Variants in SPTBN1 observed in about 807,000 individuals in gnomAD.
SPTBN1 encodes spectrin beta, non-erythrocytic 1.
Under a neutral mutation model 266.4 loss-of-function variants are expected in SPTBN1, and 32 were observed. The ratio of observed to expected loss-of-function variants is 0.12; its 90% CI spans 0.09 to 0.16. The LOEUF (loss-of-function observed/expected upper bound fraction) is 0.16. Ranked by LOEUF, SPTBN1 falls within the 10% of genes least tolerant of loss-of-function variation. SPTBN1 has a pLI of 1.00. For synonymous variants in SPTBN1, 1,336 were observed against 1,162.2 expected, an observed-to-expected ratio of 1.15 and a Z score of -3.04; for missense variants, 2,296 against 3,067.1, an observed-to-expected ratio of 0.75 and a Z score of 5.94.
At chr2:54,549,671 G>A (rs553695622) in intron 2 of SPTBN1, among the ~76,000 whole-genome samples, 26 of 152,336 alleles carry the variant, frequency 1.7e-4, no homozygotes, top group African/African-American at 6.3e-4. Flanking sequence ...GGACGACGGA[G>A]GCTGACAGTG....
At chr2:54,460,735 C>T (rs1693324222) in intron 1 of SPTBN1, among the ~76,000 whole-genome samples, 1 of 152,204 alleles carries the variant, frequency 6.6e-6, no homozygotes. Context: ...TGCAGTGGCT[C>T]ACGCCTGTAA....
At chr2:54,643,664 A>G (rs980076931) in intron 19 of SPTBN1, among the ~76,000 whole-genome samples, 1 of 151,624 alleles carries the variant, frequency 6.6e-6, no homozygotes, top group Non-Finnish European at 1.5e-5. Flanking sequence ...TAGACTTTTT[A>G]TAGTGTTTCA....
At chr2:54,647,933 A>G (rs902488600) in intron 24 of SPTBN1, among the ~76,000 whole-genome samples, 6 of 152,242 alleles carry the variant, frequency 3.9e-5, no homozygotes, top group Non-Finnish European at 8.8e-5. Flanking sequence ...AAAGTCATCC[A>G]GTTTAGTAAA....
intron 2 of SPTBN1, among the ~76,000 whole-genome samples, chr2:54,582,339 A>G (rs1296260673): frequency 6.6e-6 from 1 of 152,082 alleles, no homozygotes; most frequent in Non-Finnish European, 1.5e-5. Flanking sequence ...GACTCCTTGA[A>G]GGTGCAAGAT....
chr2:54,519,229 G>T (rs4671947), intron 1 of SPTBN1, among the ~76,000 whole-genome samples: 122,016 of 152,216 alleles, frequency 0.8, 49,507 homozygotes, highest in African/African-American at 0.94. Flanking sequence ...AATGTTACCA[G>T]GCACCCTGCT....
At chr2:54,505,408 C>G (rs1669500116) in intron 1 of SPTBN1, among the ~76,000 whole-genome samples, 1 of 152,132 alleles carries the variant, frequency 6.6e-6, no homozygotes, top group Non-Finnish European at 1.5e-5. Context: ...GCTGTGAAAA[C>G]AACAACAATA....
chr2:54,481,401 TGTGTGTGTGTGTGTGTG>T (rs1668091976), intron 1 of SPTBN1, among the ~76,000 whole-genome samples: 1 of 73,098 alleles, frequency 1.4e-5, no homozygotes, highest in Non-Finnish European at 2.8e-5. Context: ...AGTGTGTGTG[TGTGTGTGTGTGTGTGTG>T]TGTGTGTGTG....
intron 18 of SPTBN1, among the ~76,000 whole-genome samples, chr2:54,640,502 C>G (rs1475877053): frequency 4.6e-5 from 7 of 152,098 alleles, no homozygotes; most frequent in Non-Finnish European, 4.4e-5. Context: ...CCTCCTATTC[C>G]CAGTTACAGT....
At chr2:54,551,463 A>G (rs573231684) in intron 2 of SPTBN1, among the ~76,000 whole-genome samples, 1 of 152,376 alleles carries the variant, frequency 6.6e-6, no homozygotes, top group East Asian at 1.9e-4. Context: ...TTGCATGTGT[A>G]GATAACAGAC....
chr2:54,580,760 A>T (rs1473531916), intron 2 of SPTBN1, among the ~76,000 whole-genome samples: 1 of 152,142 alleles, frequency 6.6e-6, no homozygotes, highest in Non-Finnish European at 1.5e-5. Context: ...AGACACACAT[A>T]ACCAAAAATT....
chr2:54,623,410 T>C, intron 9 of SPTBN1, 69 bp from the exon 10 acceptor site: 2 of 1,389,094 alleles, frequency 1.4e-6, no homozygotes, highest in South Asian at 2.3e-5. Flanking sequence ...TTAAATGGTT[T>C]TTAAAATGCA....
chr2:54,486,196 G>A (rs186960251), intron 1 of SPTBN1, among the ~76,000 whole-genome samples: 39,062 of 149,606 alleles, frequency 0.26, 5,824 homozygotes, highest in East Asian at 0.36. Flanking sequence ...CCCTCTGCCC[G>A]GCCACCACCC....
intron 3 of SPTBN1, among the ~76,000 whole-genome samples, chr2:54,611,933 A>G (rs1368602800): frequency 2.0e-5 from 3 of 152,212 alleles, no homozygotes; most frequent in Non-Finnish European, 4.4e-5. Flanking sequence ...ATATAGCTCC[A>G]CAACTATTCT....
intron 1 of SPTBN1, among the ~76,000 whole-genome samples, chr2:54,516,885 G>A (rs1670138613): frequency 6.6e-6 from 1 of 152,210 alleles, no homozygotes; most frequent in African/African-American, 2.4e-5. Context: ...ATTTACATTG[G>A]TTTGACCTGG....
chr2:54,490,443 T>A (rs1048753350), intron 1 of SPTBN1, among the ~76,000 whole-genome samples: 3 of 152,224 alleles, frequency 2.0e-5, no homozygotes, highest in Admixed American at 6.5e-5. Context: ...GGTGGCACTT[T>A]AATTCAGATG....
chr2:54,576,741 T>C (rs2104550189), intron 2 of SPTBN1, among the ~76,000 whole-genome samples: 1 of 152,270 alleles, frequency 6.6e-6, no homozygotes, highest in Non-Finnish European at 1.5e-5. Context: ...AGCCAGCAAG[T>C]GGGTGTCAAG....
At chr2:54,568,805 A>G (rs1459585656) in intron 2 of SPTBN1, among the ~76,000 whole-genome samples, 2 of 152,216 alleles carry the variant, frequency 1.3e-5, no homozygotes, top group African/African-American at 2.4e-5. Flanking sequence ...TTATGAGTCC[A>G]TACCTGTTTT....
chr2:54,486,777 A>C (rs1470834663), intron 1 of SPTBN1, among the ~76,000 whole-genome samples: 2 of 152,182 alleles, frequency 1.3e-5, no homozygotes, highest in Non-Finnish European at 2.9e-5. Context: ...CCATAGAAGA[A>C]GCTGCAGAAG....
At chr2:54,561,120 A>G (rs1381734191) in intron 2 of SPTBN1, among the ~76,000 whole-genome samples, 2 of 152,126 alleles carry the variant, frequency 1.3e-5, no homozygotes, top group African/African-American at 4.8e-5. Context: ...TATTGGCAAA[A>G]TGCTCCTCTG....
Sources: gnomAD v4.1 joint callset for allele counts (sites outside exome capture counted in the v4.1 genomes callset) on GRCh38, gnomAD v4.1.1 for gene constraint, MANE v1.5 for transcripts, NCBI Gene and HGNC (gene_info 2026-07-23, HGNC 2026-07-21) for gene names.